Variants in SLC2A11 observed in about 807,000 individuals in gnomAD.
The protein encoded by SLC2A11 is solute carrier family 2, facilitated glucose transporter member 11.
A neutral mutation model predicts 52.1 loss-of-function variants in SLC2A11; 43 were observed. That is an observed-to-expected ratio of 0.82 (90% CI 0.65 to 1.06). SLC2A11 has a LOEUF of 1.06. Among genes scored for constraint, SLC2A11 ranks in the 50% least tolerant of loss-of-function variants. The pLI, the probability that SLC2A11 is intolerant of heterozygous loss-of-function variation, is 0.00. For missense variants in SLC2A11, 582 were observed against 654.2 expected (o/e 0.89, Z 1.20); for synonymous variants, 261 against 277.6 (o/e 0.94, Z 0.59).
upstream of SLC2A11, chr22:23,857,440 C>A: frequency 6.2e-7 from 1 of 1,611,876 alleles, no homozygotes; most frequent in South Asian, 1.1e-5. Context: ...TGGGGCTTAG[C>A]CGAGTAAGGA....
chr22:23,884,713 C>G lies in SLC2A11; in HGVS notation c.1364C>G (p.Thr455Ser). ...LGVCVCGAIY[T>S]GLFLPETKGK... ...GTCTGTGTCTGTGGGGCCATCTACACTGGCCTGTTCCTTCCTGAGACCAAA... is the reference window on the plus strand; with the variant it reads ...GTCTGTGTCTGTGGGGCCATCTACAGTGGCCTGTTCCTTCCTGAGACCAAA... Residue 455 changes from threonine to serine, a missense_variant, in exon 12 of 12, where the codon ACT becomes AGT. By Grantham distance (58) the Thr-to-Ser change is moderately conservative. Transcript: ENST00000316185. This position sits in a 1 kb window ranked among gnomAD's most constrained non-coding sequence, Gnocchi z 4.3. 6.2e-7 allele frequency: 1 copy of G among 1,614,206 alleles called. No individual in the cohort carries two copies. Among genetic ancestry groups the G allele is most frequent in the Non-Finnish European group, 8.5e-7 (1 of 1,180,030 alleles).
chr22:23,866,124 A>G (rs1307843200), intron 2 of SLC2A11: 1 of 151,826 alleles, frequency 6.6e-6, no homozygotes, highest in Non-Finnish European at 1.5e-5. Flanking sequence ...AGCTATGATC[A>G]TGCCACTGCA....
rs201694819 is a variant in SLC2A11 at position 23,877,145 on chromosome 22, C to T, written c.519C>T (p.Ile173=). 331 of 1,612,706 alleles carry T rather than the reference C, an allele frequency of 2.1e-4. 3 individuals are homozygous for T. The highest frequency in any genetic ancestry group is 2.2e-5 in the East Asian group (1 of 44,870). Residue 173 remains isoleucine (I), a synonymous_variant, in exon 5 of 12, where the codon ATC becomes ATT. Transcript: ENST00000316185. The part of the protein sequence containing the change: ...MSSAIFTALG[I]VMGQVVGLRE... ...CAGCCATCTTTACGGCTCTGGGGATCGTGATGGGACAGGTGGTCGGACTCA... is the reference window on the plus strand; with the variant it reads ...CAGCCATCTTTACGGCTCTGGGGATTGTGATGGGACAGGTGGTCGGACTCA...
At position 23,884,640 on chromosome 22, in the gene SLC2A11, A is replaced by C. The variant is rs748692701; in HGVS notation, c.1300-9A>C. The C allele has an allele frequency of 3.7e-6, 6 of 1,608,004 alleles. No homozygotes were observed. In the East Asian group the frequency reaches 1.3e-4, roughly 36 times the overall value. ...CACACCAGGTCTTGGGGTCTTTTTTAATCCGCAGGAGGCCTTGTCCCACTT... is the reference window on the plus strand; with the variant it reads ...CACACCAGGTCTTGGGGTCTTTTTTCATCCGCAGGAGGCCTTGTCCCACTT... On this transcript the variant is annotated splice_polypyrimidine_tract_variant and intron_variant, in intron 11 of 11. Coordinates refer to ENST00000316185, the MANE Select transcript of SLC2A11 (RefSeq NM_001024939.4). The surrounding 1 kb of genome is among the most constrained non-coding windows in gnomAD (Gnocchi z 4.3).
intron 3 of SLC2A11, chr22:23,871,869 T>A (rs1464221691): frequency 6.6e-6 from 1 of 152,326 alleles, no homozygotes; most frequent in African/African-American, 2.4e-5. Context: ...TTGGGCAAGT[T>A]TGGTTTATAC....
At chr22:23,880,215 T>G (rs2032752210) in intron 6 of SLC2A11, among the ~76,000 whole-genome samples, 1 of 133,086 alleles carries the variant, frequency 7.5e-6, no homozygotes, top group Non-Finnish European at 1.5e-5. Context: ...ATTGTGCCAG[T>G]GCACACTGCA....
At chr22:23,877,452 G>A (rs1048552808) in intron 5 of SLC2A11, 59 of 763,762 alleles carry the variant, frequency 7.7e-5, no homozygotes, top group Admixed American at 1.6e-4. Flanking sequence ...AGACAAACGT[G>A]TTCCAGTCAT....
At chr22:23,857,313 G>A (rs1358444516), upstream of SLC2A11, 3 of 1,049,224 alleles carry the variant, frequency 2.9e-6, no homozygotes, top group Non-Finnish European at 2.8e-6. Context: ...GAATTTCGGG[G>A]GAGGACTTGG....
At position 23,883,839 on chromosome 22, in the gene SLC2A11, G is replaced by C. The variant is rs146689657; in HGVS notation, c.1061G>C (p.Trp354Ser). Residue 354 changes from tryptophan (W) to serine (S), a missense_variant, in exon 9 of 12, where the codon TGG (tryptophan) becomes TCG (serine). Physicochemically the swap from Trp to Ser is radical, Grantham distance 177. Coordinates refer to ENST00000316185, the MANE Select transcript of SLC2A11 (RefSeq NM_001024939.4). ...GGTGGGTACAGCCTGATGACCTGCT[G>C]GGGGAGCATCTTCACTGTGGCCCTG... ...LIGGYSLMTCWGSIFTVALCL... is the reference protein window; with the variant it reads ...LIGGYSLMTCSGSIFTVALCL... 30 of 1,589,948 alleles carry C rather than the reference G, an allele frequency of 1.9e-5. No homozygotes were observed. Among genetic ancestry groups the C allele is most frequent in the Non-Finnish European group, 2.4e-5 (28 of 1,171,598 alleles).
At chr22:23,871,040 T>G (rs1369645177) in intron 3 of SLC2A11, 1 of 152,144 alleles carries the variant, frequency 6.6e-6, no homozygotes, top group African/African-American at 2.4e-5. Flanking sequence ...CACTTAGTGT[T>G]TCCCCGTACC....
intron 2 of SLC2A11, chr22:23,866,848 GC>G (rs759446651): frequency 2.6e-5 from 4 of 152,456 alleles, no homozygotes; most frequent in Non-Finnish European, 5.9e-5. Flanking sequence ...GAGCCCAGGA[GC>G]TGGAGGCTGC....
chr22:23,874,545 G>A (rs372883445), intron 3 of SLC2A11, among the ~76,000 whole-genome samples: 19 of 151,802 alleles, frequency 1.3e-4, no homozygotes, highest in African/African-American at 3.4e-4. Context: ...TCTACCTCTC[G>A]GGTTCAAGCG....
Position 23,884,311 on chromosome 22 carries a change from C to T in SLC2A11, c.1181C>T (p.Thr394Met), listed in dbSNP as rs770995546. 1.6e-5 allele frequency: 26 copies of T among 1,613,490 alleles called. No homozygotes were observed. The highest frequency in any genetic ancestry group is 1.5e-4 in the Admixed American group (9 of 59,984). The part of the protein sequence containing the change: ...LSFGIGPAGV[T>M]GILATELFDQ... The stretch of plus-strand genomic sequence containing the variant: ...CTGCCCCTCCTTCTAGCCGGAGTGA[C>T]GGGGATCCTGGCCACAGAGCTGTTT... Residue 394 changes from threonine to methionine, a missense_variant, in exon 11 of 12, where the codon ACG becomes ATG. Thr to Met is a moderately conservative substitution (Grantham distance 81, BLOSUM62 -1). Coordinates refer to ENST00000316185, the MANE Select transcript of SLC2A11 (RefSeq NM_001024939.4). This position sits in a 1 kb window ranked among gnomAD's most constrained non-coding sequence, Gnocchi z 4.3.
At chr22:23,869,839 T>C (rs2032393067) in intron 3 of SLC2A11, 1 of 595,868 alleles carries the variant, frequency 1.7e-6, no homozygotes, top group Non-Finnish European at 3.0e-6. Flanking sequence ...GATGGTGCCT[T>C]GTCCCTGTGT....
intron 3 of SLC2A11, chr22:23,869,968 A>G (rs1266494405): frequency 4.2e-6 from 3 of 717,328 alleles, no homozygotes; most frequent in South Asian, 3.0e-5. Context: ...AGTCCCATCA[A>G]TGAAGGTGGA....
intron 8 of SLC2A11, chr22:23,883,186 C>T (rs926680327): frequency 4.8e-6 from 2 of 418,910 alleles, no homozygotes; most frequent in African/African-American, 4.1e-5. Context: ...CGCATGAACC[C>T]AGTAGGTGGA....
intron 8 of SLC2A11, 46 bp downstream of exon 8, chr22:23,882,915 A>AC: frequency 1.3e-6 from 2 of 1,505,606 alleles, no homozygotes; most frequent in Non-Finnish European, 1.8e-6. Context: ...GTGGGGAGGG[A>AC]CCCCCAGGTC....
At chr22:23,880,273 A>G (rs1032218638) in intron 6 of SLC2A11, 1 of 150,414 alleles carries the variant, frequency 6.6e-6, no homozygotes, top group South Asian at 2.1e-4. Flanking sequence ...AAAAAAAAAA[A>G]AAAAAGAAAA....
rs1569000471 is a variant in SLC2A11, at chr22:23,885,180, C to G, written c.*331C>G. On this transcript the variant is annotated 3_prime_UTR_variant, in exon 12 of 12. Transcript: ENST00000316185. ...CAGCCTAGGTAACATAGTGAGACCCCCTATCTCTACAAAAAATTTTAAACA... is the reference window on the plus strand; with the variant it reads ...CAGCCTAGGTAACATAGTGAGACCCGCTATCTCTACAAAAAATTTTAAACA... 1 of 449,100 alleles carries G rather than the reference C, an allele frequency of 2.2e-6. No homozygotes were observed. Among genetic ancestry groups the G allele is most frequent in the Admixed American group, 3.9e-5 (1 of 25,494 alleles). 27.8% of individuals were successfully genotyped at this position (449,100 alleles called of 1,614,324 possible).
Sources: allele counts gnomAD v4.1 joint callset (sites outside exome capture counted in the v4.1 genomes callset), GRCh38; gene constraint gnomAD v4.1.1; non-coding constraint Gnocchi (gnomAD v3.1); transcripts MANE v1.5; gene names NCBI Gene and HGNC (gene_info 2026-07-23, HGNC 2026-07-21).